The following SYNPR variants were observed in gnomAD, a reference collection of about 807,000 sequenced individuals.
SYNPR encodes synaptoporin.
A neutral mutation model predicts 32.9 loss-of-function variants in SYNPR; 23 were observed. The observed-to-expected ratio is 0.70, with a 90% CI of 0.50 to 0.99. The LOEUF is 0.99. Ranked by LOEUF, SYNPR falls within the 50% of genes least tolerant of loss-of-function variation. The pLI, the probability that SYNPR is intolerant of heterozygous loss-of-function variation, is 0.00. For missense variants in SYNPR, 318 were observed against 349.3 expected (o/e 0.91, Z 0.71); for synonymous variants, 146 against 135.9 (o/e 1.07, Z -0.52).
chr3:63,252,428 T>C (rs201712381), intron 1 of SYNPR: 4 of 152,294 alleles, frequency 2.6e-5, no homozygotes, highest in East Asian at 1.9e-4. Flanking sequence ...GATGAAAACA[T>C]TGTGTCTTAA....
intron 2 of SYNPR, among the ~76,000 whole-genome samples, chr3:63,361,848 T>C (rs1401933749): frequency 6.6e-6 from 1 of 152,100 alleles, no homozygotes; most frequent in Non-Finnish European, 1.5e-5. Context: ...ACACAAACAT[T>C]GTATTGTCCT....
At chr3:63,383,019 A>G (rs1301918782) in intron 2 of SYNPR, among the ~76,000 whole-genome samples, 1 of 152,194 alleles carries the variant, frequency 6.6e-6, no homozygotes, top group Non-Finnish European at 1.5e-5. Flanking sequence ...AATTCTTTAC[A>G]AGATTATTTT....
intron 2 of SYNPR, among the ~76,000 whole-genome samples, chr3:63,401,041 G>T (rs967628121): frequency 7.1e-6 from 1 of 140,912 alleles, no homozygotes; most frequent in Admixed American, 7.0e-5. Flanking sequence ...CACAAAAAAG[G>T]TTTTTTTTTT....
At chr3:63,256,801 A>G (rs1193314290) in intron 2 of SYNPR, among the ~76,000 whole-genome samples, 1 of 152,194 alleles carries the variant, frequency 6.6e-6, no homozygotes, top group Non-Finnish European at 1.5e-5. Context: ...AACCCATGGC[A>G]AAGAAGTTAA....
intron 3 of SYNPR, among the ~76,000 whole-genome samples, chr3:63,272,029 C>T (rs2086540484): frequency 6.6e-6 from 1 of 152,074 alleles, no homozygotes; most frequent in South Asian, 2.1e-4. Context: ...AAAGAAAAGA[C>T]AATAAATGAC....
At chr3:63,400,383 T>A (rs2088275474) in intron 2 of SYNPR, among the ~76,000 whole-genome samples, 1 of 152,242 alleles carries the variant, frequency 6.6e-6, no homozygotes. Flanking sequence ...GAGATGTCAG[T>A]CACGGCTGCA....
At chr3:63,376,311 T>C (rs55773108) in intron 2 of SYNPR, among the ~76,000 whole-genome samples, 1,629 of 152,112 alleles carry the variant, frequency 0.011, 37 homozygotes, top group African/African-American at 0.037. Context: ...GTATTAGTTA[T>C]AACTTGCATT....
intron 2 of SYNPR, among the ~76,000 whole-genome samples, chr3:63,295,854 C>A (rs1369717872): frequency 6.6e-6 from 1 of 152,226 alleles, no homozygotes; most frequent in Non-Finnish European, 1.5e-5. Flanking sequence ...CCTTCCTTAA[C>A]CCTGCCCCCA....
chr3:63,390,213 G>A (rs7632316), intron 2 of SYNPR, among the ~76,000 whole-genome samples: 61,669 of 152,028 alleles, frequency 0.41, 12,979 homozygotes, highest in Middle Eastern at 0.54. Flanking sequence ...GCCTATTTTT[G>A]AATTTTAATC....
At chr3:63,233,063 T>C (rs938990611) in intron 1 of SYNPR, among the ~76,000 whole-genome samples, 5 of 151,986 alleles carry the variant, frequency 3.3e-5, no homozygotes, top group African/African-American at 9.7e-5. Flanking sequence ...GTAAGGAGAG[T>C]TCTGTTTAAA....
At chr3:63,549,650 C>G (rs1702467469) in intron 3 of SYNPR, among the ~76,000 whole-genome samples, 1 of 152,130 alleles carries the variant, frequency 6.6e-6, no homozygotes, top group Non-Finnish European at 1.5e-5. Flanking sequence ...ACAAACATTT[C>G]TATCAATAAA....
chr3:63,350,881 C>T (rs1299820875), intron 2 of SYNPR, among the ~76,000 whole-genome samples: 2 of 152,304 alleles, frequency 1.3e-5, no homozygotes, highest in East Asian at 1.9e-4. Flanking sequence ...TTAGTGACTT[C>T]TCGACCTCTG....
At chr3:63,337,970 C>A (rs1243192605) in intron 2 of SYNPR, among the ~76,000 whole-genome samples, 1 of 151,840 alleles carries the variant, frequency 6.6e-6, no homozygotes, top group East Asian at 1.9e-4. Context: ...GACAAATGAA[C>A]CATGCAGCAC....
Position 63,480,069 on chromosome 3 carries a change from C to T in SYNPR, c.85-763C>T, listed in dbSNP as rs79044230. ...ACAAAGTTTAGCATTTGCTTATGTCCCCTCTTAGGCCATCCTGTCTTCCAA... is the reference window on the plus strand; with the variant it reads ...ACAAAGTTTAGCATTTGCTTATGTCTCCTCTTAGGCCATCCTGTCTTCCAA... On this transcript the variant is annotated intron_variant, in intron 2 of 5. Transcript: ENST00000478300. Among the ~76,000 whole-genome samples, 1,290 of 152,250 alleles carry T rather than the reference C, an allele frequency of 8.5e-3. 55 individuals are homozygous for T. In the East Asian group the frequency reaches 0.13, roughly 16 times the overall value.
At chr3:63,282,512 T>TA (rs1042052497) in intron 2 of SYNPR, among the ~76,000 whole-genome samples, 10 of 151,944 alleles carry the variant, frequency 6.6e-5, no homozygotes, top group African/African-American at 2.2e-4. Flanking sequence ...TGTGAGATTG[T>TA]AAAAAAGGAA....
chr3:63,417,940 T>C (rs992759525), intron 2 of SYNPR, among the ~76,000 whole-genome samples: 3 of 152,208 alleles, frequency 2.0e-5, no homozygotes, highest in African/African-American at 7.2e-5. Flanking sequence ...CTGGAGACAT[T>C]TTCTACACTG....
intron 1 of SYNPR, among the ~76,000 whole-genome samples, chr3:63,230,180 T>C (rs1440751193): frequency 1.3e-5 from 2 of 152,192 alleles, no homozygotes; most frequent in Admixed American, 6.5e-5. Flanking sequence ...AATGGAGGCA[T>C]AGGTTTTGAT....
intron 2 of SYNPR, among the ~76,000 whole-genome samples, chr3:63,338,169 T>TA (rs1406805407): frequency 3.9e-5 from 6 of 152,220 alleles, no homozygotes; most frequent in Non-Finnish European, 8.8e-5. Flanking sequence ...TCTGTAAGTC[T>TA]AAAACTGCTC....
intron 4 of SYNPR, among the ~76,000 whole-genome samples, chr3:63,569,189 C>T (rs577752052): frequency 3.3e-5 from 5 of 152,238 alleles, no homozygotes; most frequent in Non-Finnish European, 5.9e-5. Context: ...TGTTGGACTT[C>T]GAATTTTACA....
Sources: allele counts gnomAD v4.1 joint callset (sites outside exome capture counted in the v4.1 genomes callset), GRCh38; gene constraint gnomAD v4.1.1; transcripts MANE v1.5; gene names NCBI Gene and HGNC (gene_info 2026-07-23, HGNC 2026-07-21).